Variants in ADAMTSL1 observed in about 807,000 individuals in gnomAD.
The protein encoded by ADAMTSL1 is ADAMTS-like protein 1.
A neutral mutation model predicts 201.8 loss-of-function variants in ADAMTSL1; 126 were observed. The observed-to-expected ratio is 0.62, with a 90% CI of 0.54 to 0.72. ADAMTSL1 has a LOEUF of 0.72. Among genes scored for constraint, ADAMTSL1 ranks in the 30% least tolerant of loss-of-function variants. ADAMTSL1 has a pLI of 0.00. For missense variants in ADAMTSL1, 2,679 were observed against 2,277.8 expected, an observed-to-expected ratio of 1.18 and a Z score of -3.59; for synonymous variants, 1,121 against 903.4, an observed-to-expected ratio of 1.24 and a Z score of -4.32.
At chr9:18,018,471 G>C (rs1820349070) in intron 1 of ADAMTSL1, among the ~76,000 whole-genome samples, 1 of 152,030 alleles carries the variant, frequency 6.6e-6, no homozygotes, top group Non-Finnish European at 1.5e-5. Flanking sequence ...ATGGAATGTA[G>C]AATATGGCTA....
chr9:18,713,444 C>G (rs1367414552), intron 14 of ADAMTSL1, among the ~76,000 whole-genome samples: 4 of 152,062 alleles, frequency 2.6e-5, no homozygotes, highest in Non-Finnish European at 5.9e-5. Context: ...GCAGGGGTTG[C>G]AATCCTAGTC....
intron 18 of ADAMTSL1, among the ~76,000 whole-genome samples, chr9:18,776,243 G>A (rs185671108): frequency 1.3e-5 from 2 of 152,100 alleles, no homozygotes; most frequent in African/African-American, 4.8e-5. Context: ...GATTTGTTCT[G>A]TTTAATATTA....
At chr9:18,172,211 G>T (rs1337513722) in intron 2 of ADAMTSL1, among the ~76,000 whole-genome samples, 8 of 151,902 alleles carry the variant, frequency 5.3e-5, no homozygotes, top group Non-Finnish European at 1.2e-4. Flanking sequence ...AACAACCATG[G>T]CACGTGTATA....
intron 2 of ADAMTSL1, among the ~76,000 whole-genome samples, chr9:18,192,349 C>G (rs1829004164): frequency 6.6e-6 from 1 of 152,096 alleles, no homozygotes; most frequent in Non-Finnish European, 1.5e-5. Context: ...CCTTATATTT[C>G]AGTTTCTTCA....
intron 14 of ADAMTSL1, among the ~76,000 whole-genome samples, chr9:18,714,842 A>G (rs1465244106): frequency 6.6e-6 from 1 of 151,634 alleles, no homozygotes; most frequent in African/African-American, 2.4e-5. Context: ...TGATGCAAAA[A>G]TCCTCAGTAA....
intron 1 of ADAMTSL1, among the ~76,000 whole-genome samples, chr9:18,065,473 A>T (rs1053057292): frequency 9.2e-5 from 14 of 152,178 alleles, no homozygotes; most frequent in Admixed American, 3.3e-4. Flanking sequence ...TATGTCATTA[A>T]ATCTGCTTAC....
At chr9:18,901,522 A>C (rs1478257112) in intron 26 of ADAMTSL1, among the ~76,000 whole-genome samples, 1 of 152,220 alleles carries the variant, frequency 6.6e-6, no homozygotes, top group African/African-American at 2.4e-5. Context: ...TCAAACCAAT[A>C]ATGTAAAGTG....
chr9:18,797,450 CT>C (rs1229108993), intron 20 of ADAMTSL1, among the ~76,000 whole-genome samples: 1 of 152,182 alleles, frequency 6.6e-6, no homozygotes, highest in Non-Finnish European at 1.5e-5. Context: ...TAAATAAAAC[CT>C]GTGTTTTGTG....
Position 18,490,011 on chromosome 9 carries a change from C to T in ADAMTSL1, c.64-14818C>T, listed in dbSNP as rs140104711. On this transcript the variant is annotated intron_variant, in intron 1 of 28. Coordinates refer to ENST00000380548, the MANE Select transcript of ADAMTSL1 (RefSeq NM_001040272.6). The stretch of plus-strand genomic sequence containing the variant: ...GAAAACTGTAAAACCTTAGTCATCT[C>T]GTGCTCAAAAGCCTTCACTGTCTCC... 5.3e-4 allele frequency among the ~76,000 whole-genome samples: 80 copies of T among 152,318 alleles called. 1 individual carries two copies. The East Asian group carries it at 0.012, about 24-fold the overall frequency.
chr9:18,553,097 A>G (rs1026829089), intron 3 of ADAMTSL1, among the ~76,000 whole-genome samples: 1 of 151,088 alleles, frequency 6.6e-6, no homozygotes, highest in African/African-American at 2.4e-5. Context: ...TGCTGTCACT[A>G]TGATTACTGA....
intron 1 of ADAMTSL1, among the ~76,000 whole-genome samples, chr9:18,477,107 C>G (rs561031031): frequency 6.6e-6 from 1 of 152,286 alleles, no homozygotes; most frequent in East Asian, 1.9e-4. Context: ...TCTCAATCCT[C>G]CCATTCTGCT....
intron 16 of ADAMTSL1, among the ~76,000 whole-genome samples, chr9:18,754,137 C>G (rs1819615190): frequency 1.3e-5 from 2 of 152,172 alleles, no homozygotes; most frequent in African/African-American, 4.8e-5. Context: ...TACGTACCGT[C>G]TATGGCTGCT....
chr9:18,305,963 G>T (rs1337094595), intron 2 of ADAMTSL1, among the ~76,000 whole-genome samples: 1 of 152,154 alleles, frequency 6.6e-6, no homozygotes, highest in Non-Finnish European at 1.5e-5. Flanking sequence ...GAGAGCTCCA[G>T]CTGGCATCTG....
At chr9:18,802,602 TCATC>T (rs1451893998) in intron 20 of ADAMTSL1, among the ~76,000 whole-genome samples, 1 of 152,238 alleles carries the variant, frequency 6.6e-6, no homozygotes, top group Non-Finnish European at 1.5e-5. Flanking sequence ...ATTTCTCCAT[TCATC>T]AGGTGATGGG....
At chr9:18,531,760 A>G (rs1819459989) in intron 2 of ADAMTSL1, among the ~76,000 whole-genome samples, 1 of 152,212 alleles carries the variant, frequency 6.6e-6, no homozygotes, top group South Asian at 2.1e-4. Context: ...CAGTAATTTC[A>G]TTGCCAAACA....
chr9:17,999,593 TA>T (rs1819528555), intron 1 of ADAMTSL1, among the ~76,000 whole-genome samples: 1 of 147,252 alleles, frequency 6.8e-6, no homozygotes, highest in South Asian at 2.2e-4. Flanking sequence ...CCCCAGAAAA[TA>T]TTTTCAGACA....
chr9:18,248,715 C>G (rs1831354196), intron 2 of ADAMTSL1, among the ~76,000 whole-genome samples: 1 of 152,152 alleles, frequency 6.6e-6, no homozygotes, highest in Non-Finnish European at 1.5e-5. Context: ...TTGCGGGGGG[C>G]CATAACCCTT....
At chr9:18,687,044 A>G (rs952927022) in intron 13 of ADAMTSL1, among the ~76,000 whole-genome samples, 3 of 152,208 alleles carry the variant, frequency 2.0e-5, no homozygotes. Context: ...ATTGGAGTAG[A>G]TTGTAATTGG....
At chr9:18,204,821 T>C (rs548978765) in intron 2 of ADAMTSL1, among the ~76,000 whole-genome samples, 1 of 152,218 alleles carries the variant, frequency 6.6e-6, no homozygotes, top group East Asian at 1.9e-4. Flanking sequence ...TAATGTAAGA[T>C]TTGAGAAGGT....
Sources: gnomAD v4.1 joint callset for allele counts (sites outside exome capture counted in the v4.1 genomes callset) on GRCh38, gnomAD v4.1.1 for gene constraint, MANE v1.5 for transcripts, NCBI Gene and HGNC (gene_info 2026-07-23, HGNC 2026-07-21) for gene names.